AGBL4: variants seen among roughly 807,000 people sequenced by gnomAD.
The protein encoded by AGBL4 is cytosolic carboxypeptidase 6.
In AGBL4, 58 loss-of-function variants were observed where a neutral mutation model predicts 66.4. That is an observed-to-expected ratio of 0.87 (90% confidence interval 0.71 to 1.09). The LOEUF (loss-of-function observed/expected upper bound fraction) is 1.09. Among genes scored for constraint, AGBL4 ranks in the 50% least tolerant of loss-of-function variants. The probability of loss-of-function intolerance (pLI) is 0.00; values close to 1 mark genes in which losing one functional copy is unlikely to be tolerated. For synonymous variants in AGBL4, 234 were observed against 222.9 expected (o/e 1.05, Z -0.44); for missense variants, 579 against 631.0 (o/e 0.92, Z 0.88).
chr1:49,042,976 AGAAG>A (rs1210221581), intron 5 of AGBL4, among the ~76,000 whole-genome samples: 1 of 152,148 alleles, frequency 6.6e-6, no homozygotes, highest in Non-Finnish European at 1.5e-5. Flanking sequence ...TAAATCTAAG[AGAAG>A]GTTGGGGTGG....
intron 6 of AGBL4, among the ~76,000 whole-genome samples, chr1:48,706,090 AG>A (rs1352955726): frequency 2.4e-4 from 36 of 152,248 alleles, no homozygotes; most frequent in Non-Finnish European, 4.7e-4. Context: ...GCTTAACTCC[AG>A]GGTAAACAAA....
chr1:48,553,244 T>C (rs1012064059), intron 11 of AGBL4, among the ~76,000 whole-genome samples: 1 of 152,156 alleles, frequency 6.6e-6, no homozygotes, highest in Non-Finnish European at 1.5e-5. Context: ...AGCTCAGCAG[T>C]GCCTGGGACT....
chr1:48,598,013 C>T (rs1365621770), intron 9 of AGBL4, among the ~76,000 whole-genome samples: 2 of 152,140 alleles, frequency 1.3e-5, no homozygotes, highest in African/African-American at 4.8e-5. Flanking sequence ...AAAACAAAGG[C>T]CCTAAAGCAA....
chr1:48,543,435 C>T (rs74075895), intron 11 of AGBL4, among the ~76,000 whole-genome samples: 8,767 of 152,064 alleles, frequency 0.058, 849 homozygotes, highest in African/African-American at 0.2. Context: ...TCCATCTACC[C>T]GTCCATCCAT....
intron 3 of AGBL4, among the ~76,000 whole-genome samples, chr1:49,651,925 G>A (rs1401765289): frequency 6.6e-6 from 1 of 151,958 alleles, no homozygotes; most frequent in Non-Finnish European, 1.5e-5. Context: ...AGCTCAATGA[G>A]TGCCAAGAGA....
intron 4 of AGBL4, among the ~76,000 whole-genome samples, chr1:49,239,669 A>G (rs1413125518): frequency 6.6e-6 from 1 of 152,168 alleles, no homozygotes; most frequent in Non-Finnish European, 1.5e-5. Flanking sequence ...AAAATTAAAA[A>G]TAATCATTAG....
intron 3 of AGBL4, among the ~76,000 whole-genome samples, chr1:49,451,072 T>C (rs565467944): frequency 6.6e-6 from 1 of 152,106 alleles, no homozygotes. Flanking sequence ...ATTCTTGTTA[T>C]TAGCAGAATT....
chr1:49,187,815 T>C (rs905725407), intron 4 of AGBL4, among the ~76,000 whole-genome samples: 1 of 152,158 alleles, frequency 6.6e-6, no homozygotes, highest in African/African-American at 2.4e-5. Context: ...CGGAATATTC[T>C]TTTACCCCTT....
intron 5 of AGBL4, among the ~76,000 whole-genome samples, chr1:48,951,623 C>T (rs561467390): frequency 1.6e-4 from 25 of 152,124 alleles, no homozygotes; most frequent in South Asian, 6.2e-4. Flanking sequence ...GAGGATATAA[C>T]AAGAAGATGG....
intron 3 of AGBL4, among the ~76,000 whole-genome samples, chr1:49,469,547 TA>T (rs959793869): frequency 1.3e-5 from 2 of 151,866 alleles, no homozygotes; most frequent in African/African-American, 4.8e-5. Context: ...TTTTGCATTT[TA>T]CCAAATACAA....
chr1:49,158,310 A>G (rs1358922840), intron 4 of AGBL4, among the ~76,000 whole-genome samples: 1 of 152,200 alleles, frequency 6.6e-6, no homozygotes, highest in Non-Finnish European at 1.5e-5. Context: ...AATGGCAACA[A>G]AAGCCACAAT....
At chr1:49,661,146 A>C (rs936541465) in intron 3 of AGBL4, among the ~76,000 whole-genome samples, 1 of 152,166 alleles carries the variant, frequency 6.6e-6, no homozygotes, top group Non-Finnish European at 1.5e-5. Context: ...TTGACACTTC[A>C]CCAAGAAAGA....
chr1:49,513,176 T>C lies in AGBL4; in HGVS notation c.282+184137A>G, dbSNP rs569208539. On this transcript the variant is annotated intron_variant, in intron 3 of 13. Coordinates refer to ENST00000371839, the MANE Select transcript of AGBL4 (RefSeq NM_032785.4). ...GTGTTCTTTCTAGTATAAATCTGAA[T>C]TTCCCAAATACCATGCCAGAATGAA... 6.6e-5 allele frequency among the ~76,000 whole-genome samples: 10 copies of C among 152,220 alleles called. No homozygotes were observed. In the South Asian group the frequency reaches 1.0e-3, roughly 16 times the overall value.
chr1:49,138,496 C>T (rs1384452960), intron 4 of AGBL4, among the ~76,000 whole-genome samples: 1 of 152,164 alleles, frequency 6.6e-6, no homozygotes, highest in Admixed American at 6.6e-5. Flanking sequence ...TAACCCACTG[C>T]TTTCTCCATC....
chr1:49,750,516 C>T (rs988089150), intron 2 of AGBL4, among the ~76,000 whole-genome samples: 4 of 152,130 alleles, frequency 2.6e-5, no homozygotes, highest in Non-Finnish European at 5.9e-5. Context: ...AGTCTGAAGT[C>T]AGGTAGTGTG....
intron 6 of AGBL4, among the ~76,000 whole-genome samples, chr1:48,703,297 T>C (rs1646831077): frequency 6.6e-6 from 1 of 151,766 alleles, no homozygotes. Flanking sequence ...CGGGACAAAA[T>C]AAAATACCAC....
At chr1:48,935,002 A>G (rs915028502) in intron 5 of AGBL4, among the ~76,000 whole-genome samples, 7 of 152,182 alleles carry the variant, frequency 4.6e-5, no homozygotes, top group African/African-American at 1.7e-4. Flanking sequence ...TCATTCATTC[A>G]TTCAACAAAG....
chr1:48,588,415 G>C (rs565067118), intron 10 of AGBL4, among the ~76,000 whole-genome samples: 7 of 152,300 alleles, frequency 4.6e-5, no homozygotes, highest in Admixed American at 4.6e-4. Context: ...CTTAGTCTCA[G>C]TTTCCTCATT....
chr1:49,134,524 T>C (rs1645969554), intron 4 of AGBL4, among the ~76,000 whole-genome samples: 1 of 130,252 alleles, frequency 7.7e-6, no homozygotes, highest in South Asian at 2.6e-4. Flanking sequence ...GGGCTGTTCA[T>C]TATTAATATT....
Sources: allele counts gnomAD v4.1 joint callset (sites outside exome capture counted in the v4.1 genomes callset), GRCh38; gene constraint gnomAD v4.1.1; transcripts MANE v1.5; gene names NCBI Gene and HGNC (gene_info 2026-07-23, HGNC 2026-07-21).